The following NINJ2 variants were observed in gnomAD, a reference collection of about 807,000 sequenced individuals.
NINJ2 encodes ninjurin 2.
Under a neutral mutation model 11.7 loss-of-function variants are expected in NINJ2, and 12 were observed. The observed-to-expected ratio is 1.02, with a 90% CI of 0.66 to 1.66. NINJ2 has a LOEUF of 1.66. Among genes scored for constraint, NINJ2 ranks in the 40% most tolerant of loss-of-function variants. The probability of loss-of-function intolerance (pLI) is 0.00; values close to 1 mark genes in which losing one functional copy is unlikely to be tolerated. For synonymous variants in NINJ2, 93 were observed against 76.8 expected (o/e 1.21, Z -1.10); for missense variants, 187 against 181.8 (o/e 1.03, Z -0.16).
chr12:565,741 C>T (rs1169213846), intron 2 of NINJ2: 1 of 653,624 alleles, frequency 1.5e-6, no homozygotes, highest in Non-Finnish European at 2.8e-6. Flanking sequence ...GGGTCTGCTC[C>T]ATGGGATACC....
chr12:598,006 T>C (rs1243049067), intron 1 of NINJ2, among the ~76,000 whole-genome samples: 2 of 152,246 alleles, frequency 1.3e-5, no homozygotes, highest in Non-Finnish European at 2.9e-5. Context: ...CTAATTTATG[T>C]AGGTAGGAGG....
chr12:637,448 T>C (rs1948366049), intron 1 of NINJ2, among the ~76,000 whole-genome samples: 4 of 151,418 alleles, frequency 2.6e-5, no homozygotes, highest in African/African-American at 7.3e-5. Context: ...ACAACCAGCC[T>C]GGCCAACACG....
intron 1 of NINJ2, among the ~76,000 whole-genome samples, chr12:601,342 C>A (rs139513645): frequency 2.0e-5 from 3 of 146,758 alleles, no homozygotes; most frequent in South Asian, 2.2e-4. Context: ...GTCAGGAGAT[C>A]GAGACCATCC....
intron 1 of NINJ2, among the ~76,000 whole-genome samples, chr12:601,381 C>G (rs1947867627): frequency 6.6e-6 from 1 of 150,696 alleles, no homozygotes; most frequent in Non-Finnish European, 1.5e-5. Context: ...CCCGTCTCTA[C>G]TAAAAATACA....
intron 1 of NINJ2, among the ~76,000 whole-genome samples, chr12:601,179 ATGTAACTAGGTAGCTGCT>A (rs1255792861): frequency 6.6e-6 from 1 of 152,234 alleles, no homozygotes; most frequent in Non-Finnish European, 1.5e-5. Flanking sequence ...TTTAGAATGC[ATGTAACTAGGTAGCTGCT>A]TTTTGTATTA....
chr12:629,928 T>G (rs1948258605), intron 1 of NINJ2, among the ~76,000 whole-genome samples: 1 of 112,246 alleles, frequency 8.9e-6, no homozygotes, highest in African/African-American at 3.1e-5. Flanking sequence ...TATATGAAGT[T>G]TCTTTGCGAT....
chr12:648,289 G>A (rs539129717), intron 1 of NINJ2, among the ~76,000 whole-genome samples: 1 of 152,320 alleles, frequency 6.6e-6, no homozygotes, highest in South Asian at 2.1e-4. Flanking sequence ...TGTTGGCCAA[G>A]CTGGTCACAA....
chr12:588,361 G>C (rs908364473), intron 1 of NINJ2, among the ~76,000 whole-genome samples: 1 of 151,960 alleles, frequency 6.6e-6, no homozygotes. Context: ...CATCAAATCC[G>C]GAAGCCATAA....
At chr12:627,597 C>A (rs1948224054) in intron 1 of NINJ2, among the ~76,000 whole-genome samples, 3 of 152,198 alleles carry the variant, frequency 2.0e-5, no homozygotes. Flanking sequence ...TCATGAGAGG[C>A]AGGGGCAGAC....
rs536829310 is a variant in NINJ2 at position 577,416 on chromosome 12, C to CATATATATATAT, written c.34-11250_34-11239dup. 2.5e-4 allele frequency among the ~76,000 whole-genome samples: 30 copies of CATATATATATAT among 121,262 alleles called. 1 individual carries two copies. The highest frequency in any genetic ancestry group is 3.4e-4 in the Non-Finnish European group (19 of 56,566). The allele number at this position is 121,262 out of a possible 152,430, so 79.6% of individuals were successfully genotyped here. On this transcript the variant is annotated intron_variant, in intron 1 of 3. Transcript: ENST00000305108. The stretch of plus-strand genomic sequence containing the variant: ...ATAAGTTGAGAAGCAACACTAGTCT[C>CATATATATATAT]ATATATATATATACATATATATATA...
intron 1 of NINJ2, among the ~76,000 whole-genome samples, chr12:572,158 C>T (rs1292233166): frequency 2.0e-5 from 3 of 152,190 alleles, no homozygotes; most frequent in Non-Finnish European, 4.4e-5. Context: ...CTTCCTAGCA[C>T]GGAGTAATCT....
At chr12:600,650 TG>T (rs979689256) in intron 1 of NINJ2, among the ~76,000 whole-genome samples, 2 of 128,122 alleles carry the variant, frequency 1.6e-5, no homozygotes, top group Non-Finnish European at 3.2e-5. Context: ...AGAATTTTTT[TG>T]GGGTGTGTGT....
At chr12:608,974 C>T (rs753680425) in intron 1 of NINJ2, among the ~76,000 whole-genome samples, 3 of 152,078 alleles carry the variant, frequency 2.0e-5, no homozygotes, top group African/African-American at 2.4e-5. Flanking sequence ...TCAATCTAGG[C>T]AACACTCGCT....
At chr12:659,674 A>G (rs1304591625) in intron 1 of NINJ2, among the ~76,000 whole-genome samples, 2 of 152,186 alleles carry the variant, frequency 1.3e-5, no homozygotes, top group African/African-American at 2.4e-5. Context: ...TGCTGCTGCT[A>G]CCCATCCCAG....
intron 1 of NINJ2, among the ~76,000 whole-genome samples, chr12:638,368 C>T (rs1948377345): frequency 6.6e-6 from 1 of 152,202 alleles, no homozygotes; most frequent in Admixed American, 6.5e-5. Flanking sequence ...CTATTAAATC[C>T]GATCTTTTCA....
At chr12:648,637 T>G (rs1937733395) in intron 1 of NINJ2, among the ~76,000 whole-genome samples, 1 of 152,214 alleles carries the variant, frequency 6.6e-6, no homozygotes, top group African/African-American at 2.4e-5. Context: ...AACATTTGGC[T>G]GTCACCTGCA....
At chr12:592,414 T>G (rs182372694) in intron 1 of NINJ2, among the ~76,000 whole-genome samples, 10 of 152,260 alleles carry the variant, frequency 6.6e-5, no homozygotes, top group African/African-American at 2.4e-4. Flanking sequence ...ATAACTAGCT[T>G]CTCTGGCCAG....
At chr12:595,960 T>C (rs1013574118) in intron 1 of NINJ2, among the ~76,000 whole-genome samples, 42 of 152,210 alleles carry the variant, frequency 2.8e-4, no homozygotes, top group African/African-American at 9.9e-4. Context: ...GGAAAGTGCA[T>C]ATTAAAACAA....
intron 1 of NINJ2, among the ~76,000 whole-genome samples, chr12:613,691 G>A (rs1221392336): frequency 2.6e-5 from 4 of 152,048 alleles, no homozygotes; most frequent in Admixed American, 2.0e-4. Context: ...AGATCACGAG[G>A]TCAGGAGATC....
Sources: gnomAD v4.1 joint callset for allele counts (sites outside exome capture counted in the v4.1 genomes callset) on GRCh38, gnomAD v4.1.1 for gene constraint, MANE v1.5 for transcripts, NCBI Gene and HGNC (gene_info 2026-07-23, HGNC 2026-07-21) for gene names.